The following EXOC4 variants were observed in gnomAD, a reference collection of about 807,000 sequenced individuals.
EXOC4 encodes the protein SEC8-like 1.
EXOC4 carries 71 observed loss-of-function variants against 107.2 expected under a neutral mutation model. That is an observed-to-expected ratio of 0.66 (90% CI 0.55 to 0.81). The LOEUF (loss-of-function observed/expected upper bound fraction) is 0.81. Ranked by LOEUF, EXOC4 falls within the 30% of genes least tolerant of loss-of-function variation. EXOC4 has a pLI of 0.00. For missense variants in EXOC4, 1,108 were observed against 1,189.6 expected, an observed-to-expected ratio of 0.93 and a Z score of 1.01; for synonymous variants, 456 against 441.2, an observed-to-expected ratio of 1.03 and a Z score of -0.42.
intron 10 of EXOC4, among the ~76,000 whole-genome samples, chr7:133,678,830 G>A (rs1794122600): frequency 6.6e-6 from 1 of 151,608 alleles, no homozygotes; most frequent in Non-Finnish European, 1.5e-5. Flanking sequence ...ATGTTGCCTA[G>A]GCTGGTCTCA....
chr7:133,285,677 T>C (rs893262875), intron 2 of EXOC4, among the ~76,000 whole-genome samples: 1 of 152,278 alleles, frequency 6.6e-6, no homozygotes, highest in African/African-American at 2.4e-5. Flanking sequence ...ACTTCCATTT[T>C]CTTGAGCACT....
intron 11 of EXOC4, among the ~76,000 whole-genome samples, chr7:133,869,108 A>G (rs2116384650): frequency 6.6e-6 from 1 of 151,316 alleles, no homozygotes; most frequent in East Asian, 2.0e-4. Context: ...ACTTGTCTAG[A>G]AAGCCATTCT....
At chr7:134,050,996 A>G (rs1269049109) in intron 17 of EXOC4, among the ~76,000 whole-genome samples, 1 of 152,138 alleles carries the variant, frequency 6.6e-6, no homozygotes, top group East Asian at 1.9e-4. Context: ...ATGAATATGA[A>G]AGATGTTGCA....
At chr7:133,938,165 G>A (rs1223529261) in intron 14 of EXOC4, 96 bp downstream of exon 14, 54 of 1,224,540 alleles carry the variant, frequency 4.4e-5, no homozygotes, top group Non-Finnish European at 5.9e-5. Flanking sequence ...CACCGTATGG[G>A]GGCGTGTCCC....
At chr7:133,414,768 A>G (rs1321885223) in intron 7 of EXOC4, among the ~76,000 whole-genome samples, 3 of 152,090 alleles carry the variant, frequency 2.0e-5, no homozygotes, top group Non-Finnish European at 2.9e-5. Flanking sequence ...CTTTTTTGAG[A>G]TATAAGTTTG....
intron 5 of EXOC4, among the ~76,000 whole-genome samples, chr7:133,349,850 G>T (rs1010860545): frequency 1.5e-4 from 22 of 148,688 alleles, no homozygotes; most frequent in Non-Finnish European, 2.2e-4. Context: ...GTTTTTTTTT[G>T]GGGGGGGTGA....
At chr7:133,827,282 C>T (rs891201045) in intron 11 of EXOC4, among the ~76,000 whole-genome samples, 13 of 151,840 alleles carry the variant, frequency 8.6e-5, no homozygotes, top group Admixed American at 6.6e-5. Flanking sequence ...TTTAATATAC[C>T]GGCAGAACAG....
At chr7:134,006,649 G>A (rs990994911) in intron 16 of EXOC4, among the ~76,000 whole-genome samples, 1 of 152,086 alleles carries the variant, frequency 6.6e-6, no homozygotes, top group Non-Finnish European at 1.5e-5. Context: ...CAGAGTCTCG[G>A]GGAAGGGACT....
At chr7:133,668,790 T>C (rs1019120337) in intron 10 of EXOC4, among the ~76,000 whole-genome samples, 19 of 152,136 alleles carry the variant, frequency 1.2e-4, no homozygotes, top group African/African-American at 4.3e-4. Flanking sequence ...TCCCGAGTTA[T>C]GGTTCCAAGG....
At chr7:134,017,703 A>G (rs1376388931) in intron 17 of EXOC4, among the ~76,000 whole-genome samples, 1 of 152,294 alleles carries the variant, frequency 6.6e-6, no homozygotes, top group South Asian at 2.1e-4. Context: ...ACTGGTCTGC[A>G]TATCCTTCAC....
intron 9 of EXOC4, among the ~76,000 whole-genome samples, chr7:133,581,757 CAAAAAAAAAAAA>C (rs71162005): frequency 2.4e-5 from 2 of 82,912 alleles, no homozygotes; most frequent in Non-Finnish European, 4.6e-5. Context: ...GACTCCGTCT[CAAAAAAAAAAAA>C]AAAAAAAAAA....
At chr7:133,944,152 A>G (rs1373492646) in intron 14 of EXOC4, among the ~76,000 whole-genome samples, 1 of 152,118 alleles carries the variant, frequency 6.6e-6, no homozygotes, top group East Asian at 1.9e-4. Context: ...GAAAGTCTAT[A>G]CTTAGTTCAG....
intron 5 of EXOC4, among the ~76,000 whole-genome samples, chr7:133,336,053 G>A (rs1001769507): frequency 2.0e-5 from 3 of 152,054 alleles, no homozygotes; most frequent in African/African-American, 7.2e-5. Flanking sequence ...TTTTGTTTCC[G>A]TTGAGTGGCA....
At position 134,046,448 on chromosome 7, in the gene EXOC4, C is replaced by T. The variant is rs143104481; in HGVS notation, c.2688-17843C>T. On this transcript the variant is annotated intron_variant, in intron 17 of 17. Coordinates refer to ENST00000253861, the MANE Select transcript of EXOC4 (RefSeq NM_021807.4). ...TCGTACCACTGCATTCTAGCCAGGA[C>T]GACAGAGTAAGACTATGTCTTAAAA... Among the ~76,000 whole-genome samples the T allele has an allele frequency of 5.6e-4, 84 of 150,622 alleles. 4 individuals are homozygous for T. The East Asian group carries it at 0.015, about 27-fold the overall frequency.
At chr7:133,504,104 T>A (rs143517438) in intron 9 of EXOC4, among the ~76,000 whole-genome samples, 2 of 152,164 alleles carry the variant, frequency 1.3e-5, no homozygotes, top group African/African-American at 4.8e-5. Context: ...AGGAAAACAA[T>A]GTAACAACTT....
At chr7:133,976,899 A>C (rs557454645) in intron 14 of EXOC4, among the ~76,000 whole-genome samples, 3 of 152,370 alleles carry the variant, frequency 2.0e-5, no homozygotes, top group Admixed American at 6.5e-5. Flanking sequence ...GCAAAACTTT[A>C]AGTTTCACTT....
At chr7:133,434,686 A>G (rs1381276583) in intron 7 of EXOC4, among the ~76,000 whole-genome samples, 1 of 152,206 alleles carries the variant, frequency 6.6e-6, no homozygotes, top group Non-Finnish European at 1.5e-5. Context: ...ATGTTGCTTC[A>G]AAGATACTTT....
intron 7 of EXOC4, among the ~76,000 whole-genome samples, chr7:133,439,182 CTTT>C (rs35280420): frequency 1.1e-5 from 1 of 94,066 alleles, no homozygotes; most frequent in Non-Finnish European, 1.9e-5. Flanking sequence ...TTCATCAGTT[CTTT>C]TTTTTTTTTT....
At chr7:134,040,373 T>C (rs1795486953) in intron 17 of EXOC4, among the ~76,000 whole-genome samples, 1 of 152,214 alleles carries the variant, frequency 6.6e-6, no homozygotes, top group Non-Finnish European at 1.5e-5. Context: ...CAGTCTTCTT[T>C]ACATGTGACT....
Sources: gnomAD v4.1 joint callset for allele counts (sites outside exome capture counted in the v4.1 genomes callset) on GRCh38, gnomAD v4.1.1 for gene constraint, MANE v1.5 for transcripts, NCBI Gene and HGNC (gene_info 2026-07-23, HGNC 2026-07-21) for gene names.